The following MCPH1 variants were observed in gnomAD, a reference collection of about 807,000 sequenced individuals.
MCPH1 encodes the protein microcephalin 1.
Under a neutral mutation model 84.5 loss-of-function variants are expected in MCPH1, and 104 were observed. That is an observed-to-expected ratio of 1.23 (90% CI 1.05 to 1.45). The LOEUF (loss-of-function observed/expected upper bound fraction) is 1.45, where lower values mean the gene tolerates loss of function less well. Among genes scored for constraint, MCPH1 ranks in the 40% most tolerant of loss-of-function variants. The pLI is 0.00. For synonymous variants in MCPH1, 514 were observed against 366.8 expected (o/e 1.40, Z -4.58); for missense variants, 1,498 against 1,005.7 (o/e 1.49, Z -6.62).
intron 13 of MCPH1, among the ~76,000 whole-genome samples, chr8:6,637,117 G>C (rs747181546): frequency 3.9e-5 from 6 of 152,214 alleles, no homozygotes; most frequent in Admixed American, 3.9e-4. Flanking sequence ...TTACCCAGTA[G>C]ATATTTCCTA....
At chr8:6,477,931 C>G (rs1808699398) in intron 10 of MCPH1, among the ~76,000 whole-genome samples, 1 of 152,148 alleles carries the variant, frequency 6.6e-6, no homozygotes, top group Non-Finnish European at 1.5e-5. Context: ...ACATCATTGA[C>G]CAAAACATTT....
chr8:6,571,252 G>A (rs1826639628), intron 12 of MCPH1, among the ~76,000 whole-genome samples: 1 of 150,432 alleles, frequency 6.6e-6, no homozygotes, highest in African/African-American at 2.5e-5. Flanking sequence ...TCTCCCTGTA[G>A]AATGAAATGC....
intron 12 of MCPH1, among the ~76,000 whole-genome samples, chr8:6,552,677 T>C (rs547610306): frequency 6.6e-6 from 1 of 152,326 alleles, no homozygotes; most frequent in South Asian, 2.1e-4. Flanking sequence ...CATCATCTTA[T>C]TTGAAACACA....
At chr8:6,509,074 C>CAAAA in intron 12 of MCPH1, 1 of 1,600,394 alleles carries the variant, frequency 6.2e-7, no homozygotes, top group Non-Finnish European at 8.5e-7. Context: ...TGTAAGCGTG[C>CAAAA]AAAGAAAAAA....
rs1311149136 is a variant in MCPH1 at position 6,500,097 on chromosome 8, A to G, written c.2214+168A>G. On this transcript the variant is annotated intron_variant, in intron 12 of 13. Transcript: ENST00000344683. ...CTTTTATCAATTTATTCGCGAGAACAAATGTGAGAACGTGAGACCATTGTG... is the reference window on the plus strand; with the variant it reads ...CTTTTATCAATTTATTCGCGAGAACGAATGTGAGAACGTGAGACCATTGTG... 6 of 654,652 alleles carry G rather than the reference A, an allele frequency of 9.2e-6. No homozygotes were observed. In the African/African-American group the frequency reaches 1.1e-4, roughly 12 times the overall value. 40.6% of individuals were successfully genotyped at this position (654,652 alleles called of 1,614,324 possible).
At chr8:6,483,633 G>A (rs1017607784) in intron 11 of MCPH1, among the ~76,000 whole-genome samples, 2 of 152,216 alleles carry the variant, frequency 1.3e-5, no homozygotes, top group South Asian at 4.1e-4. Context: ...AACACTTTGG[G>A]TGGATCACCT....
At chr8:6,589,615 G>C (rs1295136610) in intron 12 of MCPH1, among the ~76,000 whole-genome samples, 1 of 152,170 alleles carries the variant, frequency 6.6e-6, no homozygotes, top group East Asian at 1.9e-4. Flanking sequence ...TGTGTGCCAG[G>C]CATTTTCATC....
At chr8:6,515,207 C>T (rs531003437) in intron 12 of MCPH1, among the ~76,000 whole-genome samples, 1 of 133,872 alleles carries the variant, frequency 7.5e-6, no homozygotes, top group African/African-American at 2.6e-5. Context: ...TCACTAAATG[C>T]CAGCCCCTGC....
chr8:6,525,901 A>G (rs1168674814), intron 12 of MCPH1, among the ~76,000 whole-genome samples: 2 of 152,208 alleles, frequency 1.3e-5, no homozygotes, highest in African/African-American at 2.4e-5. Flanking sequence ...TATTTGGGGA[A>G]CATAATTGAC....
intron 12 of MCPH1, among the ~76,000 whole-genome samples, chr8:6,574,970 CA>C (rs2129576669): frequency 6.6e-6 from 1 of 152,264 alleles, no homozygotes; most frequent in South Asian, 2.1e-4. Context: ...TGAGATAAAG[CA>C]GTAAGAGGGA....
rs900248777 is a variant in MCPH1 at position 6,647,078 on chromosome 8, C to G, written c.*4029C>G. ...ATCTGATAAAGGACTTGTACCCAGA[C>G]CATGTAAAGAACTCATAACTCATTA... On this transcript the variant is annotated 3_prime_UTR_variant, in exon 14 of 14. Coordinates refer to ENST00000344683, the MANE Select transcript of MCPH1 (RefSeq NM_024596.5). The G allele has an allele frequency of 3.3e-5, 5 of 151,434 alleles. No homozygotes were observed. Among genetic ancestry groups the G allele is most frequent in the Non-Finnish European group, 5.9e-5 (4 of 67,916 alleles). 9.4% of individuals were successfully genotyped at this position (151,434 alleles called of 1,614,324 possible).
At chr8:6,550,609 G>A (rs1490033890) in intron 12 of MCPH1, among the ~76,000 whole-genome samples, 7 of 152,248 alleles carry the variant, frequency 4.6e-5, no homozygotes, top group African/African-American at 1.7e-4. Flanking sequence ...AGGGTGGCGG[G>A]CGTTGGTGGT....
In MCPH1 at chr8:6,643,155, A is replaced by T; in HGVS notation, c.*106A>T. ...AAGAGAAGGAACTGGCGTATACAAG[A>T]TGACTTCTGATATCATGTTTGCCAT... On this transcript the variant is annotated 3_prime_UTR_variant, in exon 14 of 14. Coordinates refer to ENST00000344683, the MANE Select transcript of MCPH1 (RefSeq NM_024596.5). 1 of 927,148 alleles carries T rather than the reference A, an allele frequency of 1.1e-6. No individual in the cohort carries two copies. Among genetic ancestry groups the T allele is most frequent in the South Asian group, 1.4e-5 (1 of 72,566 alleles). 57.4% of individuals were successfully genotyped at this position (927,148 alleles called of 1,614,324 possible).
intron 9 of MCPH1, among the ~76,000 whole-genome samples, chr8:6,467,794 G>C (rs145638785): frequency 3.3e-5 from 5 of 152,126 alleles, no homozygotes; most frequent in Admixed American, 2.6e-4. Context: ...GATGGGATTT[G>C]GCTGTGTTGA....
intron 13 of MCPH1, chr8:6,626,934 T>C: frequency 1.0e-6 from 1 of 984,918 alleles, no homozygotes; most frequent in Non-Finnish European, 1.2e-6. Context: ...TGATAAGACA[T>C]ACATTTATGC....
At chr8:6,542,699 G>C (rs1279372628) in intron 12 of MCPH1, among the ~76,000 whole-genome samples, 3 of 151,832 alleles carry the variant, frequency 2.0e-5, no homozygotes, top group Non-Finnish European at 4.4e-5. Context: ...TCTCCTCTCT[G>C]CCCTGTTTTT....
At chr8:6,532,593 T>G in intron 12 of MCPH1, 1 of 695,152 alleles carries the variant, frequency 1.4e-6, no homozygotes, top group South Asian at 3.7e-5. Context: ...AAAAAAAAAA[T>G]CTATCAAAAG....
At chr8:6,408,392 A>T (rs952205388) in intron 1 of MCPH1, among the ~76,000 whole-genome samples, 5 of 151,884 alleles carry the variant, frequency 3.3e-5, no homozygotes, top group African/African-American at 1.2e-4. Flanking sequence ...TTTTTAATTT[A>T]TTATTTTTTT....
intron 12 of MCPH1, 150 bp downstream of exon 12, chr8:6,500,079 C>A: frequency 1.4e-6 from 1 of 701,626 alleles, no homozygotes. Context: ...CACCTTTTAT[C>A]AATTTATTCG....
Sources: gnomAD v4.1 joint callset for allele counts (sites outside exome capture counted in the v4.1 genomes callset) on GRCh38, gnomAD v4.1.1 for gene constraint, MANE v1.5 for transcripts, NCBI Gene and HGNC (gene_info 2026-07-23, HGNC 2026-07-21) for gene names.